The following MTHFD1L variants were observed in gnomAD, a reference collection of about 807,000 sequenced individuals.
The protein encoded by MTHFD1L is methylenetetrahydrofolate dehydrogenase (NADP+ dependent) 1 like.
In MTHFD1L, 81 loss-of-function variants were observed where a neutral mutation model predicts 119.5. That is an observed-to-expected ratio of 0.68 (90% CI 0.57 to 0.82). The LOEUF (loss-of-function observed/expected upper bound fraction) is 0.82. Among genes scored for constraint, MTHFD1L ranks in the 40% least tolerant of loss-of-function variants. The pLI is 0.00. For synonymous variants in MTHFD1L, 430 were observed against 475.2 expected (o/e 0.90, Z 1.24); for missense variants, 1,125 against 1,253.4 (o/e 0.90, Z 1.55).
chr6:151,020,000 A>T (rs527741553), intron 24 of MTHFD1L, among the ~76,000 whole-genome samples: 1 of 152,302 alleles, frequency 6.6e-6, no homozygotes, highest in East Asian at 1.9e-4. Flanking sequence ...AGTGAGAAAG[A>T]TATGGCATTG....
intron 24 of MTHFD1L, among the ~76,000 whole-genome samples, chr6:151,027,835 G>A (rs1371920117): frequency 6.6e-6 from 1 of 152,140 alleles, no homozygotes; most frequent in African/African-American, 2.4e-5. Context: ...ATTGTAGCAG[G>A]AGTCCCAAGA....
intron 26 of MTHFD1L, among the ~76,000 whole-genome samples, chr6:151,088,914 G>T (rs901719243): frequency 6.6e-6 from 1 of 152,202 alleles, no homozygotes; most frequent in South Asian, 2.1e-4. Context: ...GGGTTTTCTT[G>T]TTTGTAAAGA....
At position 151,055,887 on chromosome 6, in the gene MTHFD1L, T is replaced by C. The variant is rs1415032114; in HGVS notation, c.2847+18770T>C. 2.0e-5 allele frequency: 3 copies of C among 152,246 alleles called. No homozygotes were observed. The East Asian group carries it at 5.8e-4, about 29-fold the overall frequency. 9.4% of individuals were successfully genotyped at this position (152,246 alleles called of 1,614,324 possible). A position where few individuals can be genotyped will look rare whatever the true frequency, so the allele number is the denominator to read the frequency against. On this transcript the variant is annotated intron_variant, in intron 26 of 27. Transcript: ENST00000367321. ...TCAGTTACTGTAAGTAACTCTTGAT[T>C]CCAAGAACTGTATAATAGGAAAGGG... is the stretch of plus-strand genomic sequence containing the variant.
chr6:151,014,097 C>T (rs1039815895), intron 22 of MTHFD1L, among the ~76,000 whole-genome samples: 8 of 152,168 alleles, frequency 5.3e-5, no homozygotes, highest in African/African-American at 9.7e-5. Flanking sequence ...TGGTGGCTCA[C>T]GCCTGTAGTC....
chr6:150,876,526 A>G (rs977215443), intron 2 of MTHFD1L, among the ~76,000 whole-genome samples: 1 of 152,202 alleles, frequency 6.6e-6, no homozygotes, highest in Admixed American at 6.5e-5. Context: ...ACTTTGTTTC[A>G]ATGGACACAG....
chr6:150,869,984 A>G lies in MTHFD1L; in HGVS notation c.227+3935A>G, dbSNP rs541197179. Among the ~76,000 whole-genome samples, 17 of 152,054 alleles carry G rather than the reference A, an allele frequency of 1.1e-4. No individual in the cohort carries two copies. The East Asian group carries it at 3.3e-3, about 29-fold the overall frequency. On this transcript the variant is annotated intron_variant, in intron 1 of 27. Transcript: ENST00000367321. ...GGGGTTTCACCATGTTGGCCAGGCTAGTCTTGAACTCCTGACCTCAAATGA... is the reference window on the plus strand; with the variant it reads ...GGGGTTTCACCATGTTGGCCAGGCTGGTCTTGAACTCCTGACCTCAAATGA...
At chr6:151,022,355 C>G (rs1293039681) in intron 24 of MTHFD1L, 1 of 238,308 alleles carries the variant, frequency 4.2e-6, no homozygotes, top group African/African-American at 2.2e-5. Context: ...TTGAAATAAA[C>G]ATTTAAAAAT....
intron 1 of MTHFD1L, among the ~76,000 whole-genome samples, chr6:150,873,576 T>C (rs1779904854): frequency 6.6e-6 from 1 of 152,192 alleles, no homozygotes; most frequent in South Asian, 2.1e-4. Context: ...CTGGGCCGTA[T>C]TTCCACTTAG....
chr6:150,908,542 G>C (rs1786322207), intron 8 of MTHFD1L, among the ~76,000 whole-genome samples: 1 of 151,548 alleles, frequency 6.6e-6, no homozygotes, highest in Non-Finnish European at 1.5e-5. Context: ...CAGGAGAATG[G>C]CTTGAACCCA....
intron 26 of MTHFD1L, among the ~76,000 whole-genome samples, chr6:151,053,865 A>C (rs944190645): frequency 1.3e-5 from 2 of 152,100 alleles, no homozygotes; most frequent in African/African-American, 4.8e-5. Context: ...ATCTCAAAAA[A>C]AAAAAAAAAA....
chr6:150,925,762 T>C (rs982777116), intron 10 of MTHFD1L, among the ~76,000 whole-genome samples: 12 of 152,176 alleles, frequency 7.9e-5, no homozygotes, highest in Non-Finnish European at 1.8e-4. Context: ...TATTCATCGC[T>C]AATGAATACC....
intron 12 of MTHFD1L, among the ~76,000 whole-genome samples, chr6:150,938,167 G>A (rs562950304): frequency 5.3e-5 from 8 of 151,992 alleles, no homozygotes; most frequent in Admixed American, 1.3e-4. Context: ...ACAGGCACCC[G>A]CCACCATGCC....
chr6:150,974,192 T>C (rs1638907671), intron 20 of MTHFD1L, among the ~76,000 whole-genome samples: 1 of 152,092 alleles, frequency 6.6e-6, no homozygotes, highest in African/African-American at 2.4e-5. Flanking sequence ...ACCTGTAAAA[T>C]AGGGCTTTGG....
intron 24 of MTHFD1L, among the ~76,000 whole-genome samples, chr6:151,017,453 TCTC>T (rs1349192099): frequency 6.6e-6 from 1 of 151,756 alleles, no homozygotes; most frequent in Non-Finnish European, 1.5e-5. Flanking sequence ...TTCAAGCAAT[TCTC>T]CTGCCTCAGG....
At chr6:150,930,308 T>C (rs893174597) in intron 11 of MTHFD1L, among the ~76,000 whole-genome samples, 1 of 152,176 alleles carries the variant, frequency 6.6e-6, no homozygotes, top group African/African-American at 2.4e-5. Flanking sequence ...GAAAAGTCAA[T>C]TTGAAATAAA....
chr6:151,059,033 A>T lies in MTHFD1L; in HGVS notation c.2847+21916A>T, dbSNP rs182536966. Among the ~76,000 whole-genome samples, 3 of 152,092 alleles carry T rather than the reference A, an allele frequency of 2.0e-5. No individual in the cohort carries two copies. In the East Asian group the frequency reaches 5.9e-4, roughly 30 times the overall value. The stretch of plus-strand genomic sequence containing the variant: ...TTAATCAAAGTTGAGGCAGTGCCTC[A>T]GTGAGGGGCAGGCTGGAGCAGTGGT... On this transcript the variant is annotated intron_variant, in intron 26 of 27. Transcript: ENST00000367321.
At chr6:151,000,519 T>C (rs924059839) in intron 20 of MTHFD1L, among the ~76,000 whole-genome samples, 1 of 152,198 alleles carries the variant, frequency 6.6e-6, no homozygotes, top group Non-Finnish European at 1.5e-5. Context: ...GATTTAGTGG[T>C]TAGTGAAATT....
rs1162896743 is a variant in MTHFD1L at position 151,099,852 on chromosome 6, A to G, written c.*32-1674A>G. The stretch of plus-strand genomic sequence containing the variant: ...ACAATGTTTCCTCCAAGAACCGCAA[A>G]GCCATCGTGGAAAGAGCTGCCCAAC... On this transcript the variant is annotated intron_variant, in intron 27 of 27. Coordinates refer to ENST00000367321, the MANE Select transcript of MTHFD1L (RefSeq NM_015440.5). 5 of 1,594,714 alleles carry G rather than the reference A, an allele frequency of 3.1e-6. No individual in the cohort carries two copies. In the East Asian group the frequency reaches 1.1e-4, roughly 36 times the overall value.
intron 20 of MTHFD1L, among the ~76,000 whole-genome samples, chr6:150,983,170 G>A (rs140705402): frequency 1.9e-4 from 29 of 152,164 alleles, no homozygotes; most frequent in African/African-American, 6.3e-4. Flanking sequence ...TATAGATTCC[G>A]AATACGAATA....
Sources: gnomAD v4.1 joint callset for allele counts (sites outside exome capture counted in the v4.1 genomes callset) on GRCh38, gnomAD v4.1.1 for gene constraint, MANE v1.5 for transcripts, NCBI Gene and HGNC (gene_info 2026-07-23, HGNC 2026-07-21) for gene names.